KIF26A: variants seen among roughly 807,000 people sequenced by gnomAD.
The protein encoded by KIF26A is kinesin-like protein KIF26A.
KIF26A carries 74 observed loss-of-function variants against 126.0 expected under a neutral mutation model. That is an observed-to-expected ratio of 0.59 (90% CI 0.49 to 0.71). The LOEUF is 0.71. KIF26A is among the 30% of genes least tolerant of loss of function. The pLI, the probability that KIF26A is intolerant of heterozygous loss-of-function variation, is 0.00. For missense variants in KIF26A, 2,984 were observed against 2,763.3 expected, an observed-to-expected ratio of 1.08 and a Z score of -1.79; for synonymous variants, 1,445 against 1,232.7, an observed-to-expected ratio of 1.17 and a Z score of -3.61.
At position 104,143,794 on chromosome 14, in the gene KIF26A, C is replaced by T. The variant is rs556168809; in HGVS notation, c.288+4506C>T. On this transcript the variant is annotated intron_variant, in intron 2 of 14. Transcript: ENST00000423312. ...CACCTTTGTGCCTGGCAGTGGCACCCGCCTCGGGGATCCGCAGGGTGGGGT... is the reference window on the plus strand; with the variant it reads ...CACCTTTGTGCCTGGCAGTGGCACCTGCCTCGGGGATCCGCAGGGTGGGGT... Among the ~76,000 whole-genome samples the T allele has an allele frequency of 7.7e-4, 118 of 152,370 alleles. 1 individual carries two copies. Among genetic ancestry groups the T allele is most frequent in the South Asian group, 6.2e-4 (3 of 4,828 alleles).
rs4900610 is a variant in KIF26A, at chr14:104,157,066, G to A, written c.736-689G>A. 3.1e-3 allele frequency among the ~76,000 whole-genome samples: 467 copies of A among 152,260 alleles called. 6 individuals carry two copies. Among genetic ancestry groups the A allele is most frequent in the East Asian group, 9.5e-3 (49 of 5,160 alleles). On this transcript the variant is annotated intron_variant, in intron 3 of 14. Transcript: ENST00000423312. Reference sequence around the variant, plus strand: ...GCCTGGGGTTGCATCCCCCCACGCCGCCCAGGACCAGGTTTGGCCTGAGGG... The same window carrying A: ...GCCTGGGGTTGCATCCCCCCACGCCACCCAGGACCAGGTTTGGCCTGAGGG...
In KIF26A at chr14:104,177,265, C is replaced by T. The variant is rs777879982; in HGVS notation, c.4477C>T (p.Pro1493Ser). 7.5e-6 allele frequency: 12 copies of T among 1,594,394 alleles called. No individual in the cohort carries two copies. The highest frequency in any genetic ancestry group is 3.4e-5 in the Admixed American group (2 of 58,660). Residue 1493 changes from proline to serine, a missense_variant, in exon 12 of 15, where the codon CCC (proline) becomes TCC (serine). By Grantham distance (74) the Pro-to-Ser change is moderately conservative (BLOSUM62 -1). Transcript: ENST00000423312. ...GAAKAVGAPK[P>S]PVGGGKGRGL... ...AGCCAAGGCTGTGGGGGCCCCCAAGCCCCCTGTTGGTGGAGGCAAGGGCCG... is the reference window on the plus strand; with the variant it reads ...AGCCAAGGCTGTGGGGGCCCCCAAGTCCCCTGTTGGTGGAGGCAAGGGCCG...
At chr14:104,146,577 G>A (rs1479003294) in intron 2 of KIF26A, among the ~76,000 whole-genome samples, 2 of 152,076 alleles carry the variant, frequency 1.3e-5, no homozygotes, top group Non-Finnish European at 2.9e-5. Context: ...GCTGCCCCAC[G>A]TGGTGGGGAA....
intron 3 of KIF26A, among the ~76,000 whole-genome samples, chr14:104,153,864 G>A (rs1039879270): frequency 6.6e-6 from 1 of 151,674 alleles, no homozygotes; most frequent in African/African-American, 2.4e-5. Flanking sequence ...AGCGGGTGGG[G>A]GTGGAGAAGA....
In KIF26A at chr14:104,177,145, G is replaced by A; in HGVS notation, c.4357G>A (p.Glu1453Lys). The stretch of plus-strand genomic sequence containing the variant: ...GGCGCACAGCAGCAGCAAGGGCCGG[G>A]AAGCCCCTGGGCGGCCTCCCCGGGC... The part of the protein sequence containing the change: ...GLAHSSSKGR[E>K]APGRPPRAVP... The change falls in exon 12 of 15, where the codon GAA becomes AAA. Residue 1453 changes from glutamate (E) to lysine (K), a missense_variant. By Grantham distance (56) the Glu-to-Lys change is moderately conservative. Coordinates refer to ENST00000423312, the MANE Select transcript of KIF26A (RefSeq NM_015656.2). The A allele has an allele frequency of 6.3e-7, 1 of 1,597,876 alleles. No homozygotes were observed. Among genetic ancestry groups the A allele is most frequent in the Non-Finnish European group, 8.5e-7 (1 of 1,179,366 alleles).
intron 3 of KIF26A, among the ~76,000 whole-genome samples, chr14:104,156,364 C>G (rs12879113): frequency 0.31 from 47,236 of 152,032 alleles, 7,786 homozygotes; most frequent in Middle Eastern, 0.39. Flanking sequence ...CTGCAGGCTG[C>G]TGGTGGGGTG....
rs1276145402 is a variant in KIF26A, at chr14:104,139,263, T to G, written c.263T>G (p.Val88Gly). 6.5e-7 allele frequency: 1 copy of G among 1,537,222 alleles called. No individual in the cohort carries two copies. Among genetic ancestry groups the G allele is most frequent in the Admixed American group, 2.1e-5 (1 of 47,792 alleles). ...CTCAAGCGACAGGCGTGGAAGCTGGTCAGCGGGCCCGGGACCACCCTCCGG... is the reference window on the plus strand; with the variant it reads ...CTCAAGCGACAGGCGTGGAAGCTGGGCAGCGGGCCCGGGACCACCCTCCGG... ...VELKRQAWKL[V>G]SGPGTTLRDP... is the part of the protein sequence containing the mutation. The change falls in exon 2 of 15, where the codon GTC (valine) becomes GGC (glycine). Residue 88 changes from valine to glycine, a missense_variant. Physicochemically the swap from Val to Gly is moderately radical, Grantham distance 109 (BLOSUM62 -3). Transcript: ENST00000423312.
chr14:104,175,786 C>T lies in KIF26A; in HGVS notation c.2998C>T (p.Pro1000Ser). The T allele has an allele frequency of 6.5e-7, 1 of 1,538,036 alleles. No individual in the cohort carries two copies. Among genetic ancestry groups the T allele is most frequent in the Non-Finnish European group, 8.7e-7 (1 of 1,146,238 alleles). The change falls in exon 12 of 15, where the codon CCC becomes TCC. Residue 1000 changes from proline (P) to serine (S), a missense_variant. Pro to Ser is a moderately conservative substitution (Grantham distance 74). Coordinates refer to ENST00000423312, the MANE Select transcript of KIF26A (RefSeq NM_015656.2). Reference sequence around the variant, plus strand: ...CCCGATGCTTCCTGGGGCCACCTGCCCCCGCCTGGCTGCTGGCAGTCGCTG... The same window carrying T: ...CCCGATGCTTCCTGGGGCCACCTGCTCCCGCCTGGCTGCTGGCAGTCGCTG... ...GSPMLPGATC[P>S]RLAAGSRCPE...
intron 5 of KIF26A, among the ~76,000 whole-genome samples, chr14:104,168,818 T>A (rs1432164361): frequency 6.6e-6 from 1 of 151,630 alleles, no homozygotes; most frequent in Non-Finnish European, 1.5e-5. Flanking sequence ...GACTTGTCAT[T>A]GCTCCGCTGG....
intron 5 of KIF26A, among the ~76,000 whole-genome samples, chr14:104,170,293 C>T (rs542881370): frequency 6.6e-6 from 1 of 152,286 alleles, no homozygotes; most frequent in African/African-American, 2.4e-5. Context: ...TTGATCACGT[C>T]GTCGGGGGAA....
intron 4 of KIF26A, among the ~76,000 whole-genome samples, chr14:104,166,559 G>A (rs528139148): frequency 1.3e-5 from 2 of 152,258 alleles, no homozygotes; most frequent in East Asian, 3.9e-4. Context: ...CCCTTGGTGG[G>A]GGGATGGCAT....
intron 2 of KIF26A, among the ~76,000 whole-genome samples, chr14:104,146,200 G>T (rs538234573): frequency 2.0e-5 from 3 of 152,230 alleles, no homozygotes; most frequent in Non-Finnish European, 4.4e-5. Context: ...TTTTGGGGGT[G>T]GGTGGCCCCT....
intron 13 of KIF26A, among the ~76,000 whole-genome samples, 196 bp from the exon 14 acceptor site, chr14:104,179,040 T>TA (rs1171351899): frequency 6.6e-6 from 1 of 152,022 alleles, no homozygotes; most frequent in African/African-American, 2.4e-5. Context: ...GTGGGGAGGG[T>TA]GGTCCTAGAG....
At chr14:104,164,363 C>T (rs1022454589) in intron 4 of KIF26A, among the ~76,000 whole-genome samples, 3 of 152,110 alleles carry the variant, frequency 2.0e-5, no homozygotes, top group Non-Finnish European at 2.9e-5. Context: ...GCCTCTGGCC[C>T]GCGTGGGAGC....
chr14:104,177,280 G>GGTT lies in KIF26A; in HGVS notation c.4493_4494insTTG (p.Gly1498_Lys1499insCys), dbSNP rs750783455. The GGTT allele has an allele frequency of 1.1e-5, 18 of 1,588,986 alleles. No individual in the cohort carries two copies. The Admixed American group carries it at 3.1e-4, about 28-fold the overall frequency. On this transcript the variant is annotated inframe_insertion, in exon 12 of 15. Coordinates refer to ENST00000423312, the MANE Select transcript of KIF26A (RefSeq NM_015656.2). ...GGCCCCCAAGCCCCCTGTTGGTGGA[G>GGTT]GCAAGGGCCGTGGCCTAGTGGCTGG...
At chr14:104,143,236 C>T (rs1019355227) in intron 2 of KIF26A, among the ~76,000 whole-genome samples, 6 of 152,226 alleles carry the variant, frequency 3.9e-5, no homozygotes, top group Non-Finnish European at 7.3e-5. Flanking sequence ...GCTGGTGCCA[C>T]GCAGCTGAAC....
At chr14:104,172,529 C>T (rs1226564585) in intron 6 of KIF26A, 46 bp from the exon 7 acceptor site, 5 of 1,469,584 alleles carry the variant, frequency 3.4e-6, no homozygotes, top group Non-Finnish European at 4.7e-6. Context: ...ACAGACGTGG[C>T]AGAAGGAAGG....
At chr14:104,160,048 G>A (rs2037819185) in intron 4 of KIF26A, among the ~76,000 whole-genome samples, 1 of 152,160 alleles carries the variant, frequency 6.6e-6, no homozygotes, top group Non-Finnish European at 1.5e-5. Context: ...ACCTGGGAGG[G>A]AGTGGCACTG....
intron 2 of KIF26A, among the ~76,000 whole-genome samples, chr14:104,147,336 A>G (rs1466408300): frequency 6.6e-6 from 1 of 152,184 alleles, no homozygotes; most frequent in African/African-American, 2.4e-5. Context: ...GCCCAGCTGG[A>G]CTGGCGCCTG....
Sources: allele counts gnomAD v4.1 joint callset (sites outside exome capture counted in the v4.1 genomes callset), GRCh38; gene constraint gnomAD v4.1.1; transcripts MANE v1.5; gene names NCBI Gene and HGNC (gene_info 2026-07-23, HGNC 2026-07-21).